Variants in TMTC4 observed in about 807,000 individuals in gnomAD.
TMTC4 encodes the protein transmembrane O-mannosyltransferase targeting cadherins 4, also known as protein O-mannosyl-transferase TMTC4.
TMTC4 carries 65 observed loss-of-function variants against 86.0 expected under a neutral mutation model. The observed-to-expected ratio is 0.76, with a 90% CI of 0.62 to 0.93. The LOEUF (loss-of-function observed/expected upper bound fraction) is 0.93. Ranked by LOEUF, TMTC4 falls within the 40% of genes least tolerant of loss-of-function variation. TMTC4 has a pLI of 0.00. For synonymous variants in TMTC4, 379 were observed against 382.5 expected (o/e 0.99, Z 0.11); for missense variants, 866 against 948.1 (o/e 0.91, Z 1.14).
In TMTC4 at chr13:100,668,697, G is replaced by C. The variant is rs1308374715; in HGVS notation, c.101C>G (p.Ser34Cys). 2 of 1,614,258 alleles carry C rather than the reference G, an allele frequency of 1.2e-6. No homozygotes were observed. The highest frequency in any genetic ancestry group is 1.6e-4 in the Middle Eastern group (1 of 6,062). ...DTDLDHILPS[S>C]VLPPFWAKLV... ...CTTAGCCCAGAATGGAGGAAGAACA[G>C]AAGATGGAAGAATGTGATCCAAATC... Residue 34 changes from serine (S) to cysteine (C), a missense_variant, in exon 3 of 19, where the codon TCT (serine) becomes TGT (cysteine). Transcript: ENST00000342624.
chr13:100,606,348 T>A lies in TMTC4; in HGVS notation c.2134+10A>T. ...ATTTCAACACGATTCAAGTTGAACATTTTTCTTACCCAAATTACCATGGTA... is the reference window on the plus strand; with the variant it reads ...ATTTCAACACGATTCAAGTTGAACAATTTTCTTACCCAAATTACCATGGTA... On this transcript the variant is annotated intron_variant, in intron 18 of 18. Coordinates refer to ENST00000342624, the MANE Select transcript of TMTC4 (RefSeq NM_032813.5). 1 of 1,612,712 alleles carries A rather than the reference T, an allele frequency of 6.2e-7. No individual in the cohort carries two copies. Among genetic ancestry groups the A allele is most frequent in the Non-Finnish European group, 8.5e-7 (1 of 1,179,118 alleles).
At chr13:100,671,294 G>T (rs9557474) in intron 1 of TMTC4, among the ~76,000 whole-genome samples, 39,571 of 152,020 alleles carry the variant, frequency 0.26, 6,049 homozygotes, top group Admixed American at 0.37. Flanking sequence ...CACTGAGCCT[G>T]GATATTATCT....
intron 15 of TMTC4, among the ~76,000 whole-genome samples, chr13:100,617,335 C>T (rs1878668708): frequency 6.6e-6 from 1 of 152,088 alleles, no homozygotes; most frequent in African/African-American, 2.4e-5. Context: ...TTAAGTTTTG[C>T]CATGTTGCCC....
At chr13:100,612,012 T>C (rs547805330) in intron 17 of TMTC4, among the ~76,000 whole-genome samples, 1 of 152,308 alleles carries the variant, frequency 6.6e-6, no homozygotes, top group Non-Finnish European at 1.5e-5. Flanking sequence ...AGTCAAACCC[T>C]GTTGTGCTAG....
upstream of TMTC4, chr13:100,674,799 G>C (rs1887643805): frequency 9.2e-6 from 9 of 983,354 alleles, no homozygotes; most frequent in Non-Finnish European, 1.1e-5. Context: ...AAACTCTGGC[G>C]GCTCCAGGCA....
Position 100,674,782 on chromosome 13 carries a change from G to C in TMTC4, c.-246C>G. 1 of 983,860 alleles carries C rather than the reference G, an allele frequency of 1.0e-6. No individual in the cohort carries two copies. The highest frequency in any genetic ancestry group is 1.2e-6 in the Non-Finnish European group (1 of 829,364). The allele number at this position is 983,860 out of a possible 1,614,324, so 60.9% of individuals were successfully genotyped here. A position where few individuals can be genotyped will look rare whatever the true frequency, so the allele number is the denominator to read the frequency against. ...GAGCCCCGGCCGCATCTCCCTCCCGGGTGCGGAAACTCTGGCGGCTCCAGG... is the reference window on the plus strand; with the variant it reads ...GAGCCCCGGCCGCATCTCCCTCCCGCGTGCGGAAACTCTGGCGGCTCCAGG... On this transcript the variant is annotated 5_prime_UTR_variant, in exon 1 of 19. Transcript: ENST00000342624.
At chr13:100,620,455 G>A (rs1879303970) in intron 15 of TMTC4, among the ~76,000 whole-genome samples, 2 of 152,158 alleles carry the variant, frequency 1.3e-5, no homozygotes, top group Admixed American at 1.3e-4. Flanking sequence ...AATCTTGGTA[G>A]TGCCTCCTGT....
intron 15 of TMTC4, 173 bp downstream of exon 15, chr13:100,625,362 G>T (rs1472597328): frequency 1.8e-5 from 16 of 889,062 alleles, no homozygotes; most frequent in Non-Finnish European, 2.7e-5. Flanking sequence ...TCTAATGAGA[G>T]CTTTAAAAAA....
At chr13:100,626,617 C>T (rs141126316) in intron 12 of TMTC4, among the ~76,000 whole-genome samples, 237 of 152,268 alleles carry the variant, frequency 1.6e-3, no homozygotes, top group African/African-American at 5.5e-3. Context: ...TACACCACCA[C>T]ACCTGGCTTG....
chr13:100,629,122 C>T (rs551701973), intron 12 of TMTC4, among the ~76,000 whole-genome samples: 12 of 151,700 alleles, frequency 7.9e-5, no homozygotes, highest in African/African-American at 2.4e-4. Flanking sequence ...GCACTTCAGC[C>T]AGGGCGACAG....
At chr13:100,629,139 ACT>A (rs10594126) in intron 12 of TMTC4, among the ~76,000 whole-genome samples, 19,696 of 152,028 alleles carry the variant, frequency 0.13, 1,442 homozygotes, top group Middle Eastern at 0.19. Flanking sequence ...ACAGAGCAAG[ACT>A]CTGTCTCACA....
chr13:100,608,373 A>G (rs1876997598), intron 17 of TMTC4, among the ~76,000 whole-genome samples: 1 of 152,184 alleles, frequency 6.6e-6, no homozygotes, highest in Admixed American at 6.5e-5. Context: ...AGGAACAGGG[A>G]TGAGGAATAA....
At position 100,604,868 on chromosome 13, in the gene TMTC4, T is replaced by G; in HGVS notation, c.*126A>C. 1 of 1,137,930 alleles carries G rather than the reference T, an allele frequency of 8.8e-7. No individual in the cohort carries two copies. Among genetic ancestry groups the G allele is most frequent in the Non-Finnish European group, 1.2e-6 (1 of 847,778 alleles). The allele number at this position is 1,137,930 out of a possible 1,614,324, so 70.5% of individuals were successfully genotyped here. ...CTATAATCTTTTTGCATGTCTTTGTTTTCATAGAAAAAAATCAGTAAAATA... is the reference window on the plus strand; with the variant it reads ...CTATAATCTTTTTGCATGTCTTTGTGTTCATAGAAAAAAATCAGTAAAATA... On this transcript the variant is annotated 3_prime_UTR_variant, in exon 19 of 19. Coordinates refer to ENST00000342624, the MANE Select transcript of TMTC4 (RefSeq NM_032813.5).
At chr13:100,663,451 G>A (rs1473183387) in intron 4 of TMTC4, among the ~76,000 whole-genome samples, 2 of 152,162 alleles carry the variant, frequency 1.3e-5, no homozygotes, top group East Asian at 1.9e-4. Context: ...GAGGAAAATC[G>A]AAAGGAAAGC....
intron 5 of TMTC4, among the ~76,000 whole-genome samples, chr13:100,659,699 T>C (rs1885531040): frequency 1.3e-5 from 2 of 151,598 alleles, no homozygotes; most frequent in Middle Eastern, 6.8e-3. Flanking sequence ...TACAAACCAC[T>C]TGAAGCAATG....
intron 12 of TMTC4, among the ~76,000 whole-genome samples, chr13:100,632,966 A>G (rs1240029136): frequency 6.6e-6 from 1 of 152,134 alleles, no homozygotes; most frequent in Non-Finnish European, 1.5e-5. Context: ...TTTTGAGCAA[A>G]TAGCGTTCTC....
Position 100,605,136 on chromosome 13 carries a change from A to T in TMTC4, c.2141T>A (p.Leu714His). ...GTCTAGATGTCCCCAACGATGATAA[A>T]GCACAGCTGAAATAGCAGGAGATAA... ...AASYHGNLAVLYHRWGHLDLA... is the reference protein window; with the variant it reads ...AASYHGNLAVHYHRWGHLDLA... Residue 714 changes from leucine to histidine, a missense_variant, in exon 19 of 19, where the codon CTT becomes CAT. Physicochemically the swap from Leu to His is moderately conservative, Grantham distance 99. Transcript: ENST00000342624. This position sits in a 1 kb window ranked among gnomAD's most constrained non-coding sequence, Gnocchi z 4.3. 6.2e-7 allele frequency: 1 copy of T among 1,609,834 alleles called. No homozygotes were observed. Among genetic ancestry groups the T allele is most frequent in the Non-Finnish European group, 8.5e-7 (1 of 1,178,782 alleles).
intron 6 of TMTC4, 121 bp downstream of exon 6, chr13:100,656,260 C>T: frequency 1.3e-6 from 1 of 772,132 alleles, no homozygotes; most frequent in Admixed American, 3.1e-5. Flanking sequence ...ATCCTCTGGC[C>T]CAGATCCCCT....
chr13:100,649,230 T>G (rs1300415318), intron 6 of TMTC4, among the ~76,000 whole-genome samples: 1 of 152,128 alleles, frequency 6.6e-6, no homozygotes, highest in African/African-American at 2.4e-5. Context: ...AAAATTCAAG[T>G]GAAAAACTAG....
Sources: gnomAD v4.1 joint callset for allele counts (sites outside exome capture counted in the v4.1 genomes callset) on GRCh38, gnomAD v4.1.1 for gene constraint, Gnocchi (gnomAD v3.1) non-coding constraint, MANE v1.5 for transcripts, NCBI Gene and HGNC (gene_info 2026-07-23, HGNC 2026-07-21) for gene names.